Variants in TNRC6C observed in about 807,000 individuals in gnomAD.
TNRC6C encodes the protein trinucleotide repeat containing adaptor 6C.
In TNRC6C, 20 loss-of-function variants were observed where a neutral mutation model predicts 153.7. The ratio of observed to expected loss-of-function variants is 0.13; its 90% CI spans 0.09 to 0.19. The LOEUF (loss-of-function observed/expected upper bound fraction) is 0.19, where lower values mean the gene tolerates loss of function less well. Ranked by LOEUF, TNRC6C falls within the 10% of genes least tolerant of loss-of-function variation. The pLI is 1.00. For missense variants in TNRC6C, 1,987 were observed against 2,172.0 expected (o/e 0.91, Z 1.69); for synonymous variants, 811 against 841.4 (o/e 0.96, Z 0.63).
chr17:78,017,088 G>A (rs1339266308), intron 1 of TNRC6C, among the ~76,000 whole-genome samples: 1 of 152,198 alleles, frequency 6.6e-6, no homozygotes, highest in African/African-American at 2.4e-5. Flanking sequence ...GCTGGGGGAA[G>A]GTGGAGTATA....
chr17:77,958,944 TGCCACC>T (rs1185179243), upstream of TNRC6C, among the ~76,000 whole-genome samples: 14 of 143,790 alleles, frequency 9.7e-5, no homozygotes, highest in South Asian at 1.1e-3. Flanking sequence ...CGTCCGCAGC[TGCCACC>T]GCCGCCGCCG....
intron 16 of TNRC6C, 129 bp from the exon 20 acceptor site, chr17:78,098,214 C>G (rs2073523390): frequency 1.1e-6 from 1 of 946,360 alleles, no homozygotes; most frequent in East Asian, 2.7e-5. Flanking sequence ...AGGGGCTTGA[C>G]TTGGTGTTTC....
chr17:77,969,858 A>ACT (rs1435149594), intron 1 of TNRC6C, among the ~76,000 whole-genome samples: 12 of 152,024 alleles, frequency 7.9e-5, no homozygotes, highest in Admixed American at 7.9e-4. Context: ...ACTTAAAGGG[A>ACT]CTCTAGTTTT....
At position 78,104,876 on chromosome 17, in the gene TNRC6C, A is replaced by C; in HGVS notation, c.*31A>C. ...GCCATCATCAGCACCAGGAGAGCCG[A>C]CCCCTCCCGGGACCCCTCCCGGCTG... On this transcript the variant is annotated 3_prime_UTR_variant, in exon 20 of 20. Coordinates refer to ENST00000301624, the Ensembl canonical transcript of TNRC6C. The surrounding 1 kb of genome is among the most constrained non-coding windows in gnomAD (Gnocchi z 6.2). 6.6e-6 allele frequency: 9 copies of C among 1,367,960 alleles called. No individual in the cohort carries two copies. The highest frequency in any genetic ancestry group is 8.5e-6 in the Non-Finnish European group (9 of 1,062,806). The allele number at this position is 1,367,960 out of a possible 1,614,324, so 84.7% of individuals were successfully genotyped here. A position where few individuals can be genotyped will look rare whatever the true frequency, so the allele number is the denominator to read the frequency against.
chr17:77,972,772 A>T (rs1462599897), intron 1 of TNRC6C, among the ~76,000 whole-genome samples: 1 of 152,240 alleles, frequency 6.6e-6, no homozygotes, highest in Non-Finnish European at 1.5e-5. Flanking sequence ...AATTCTGTCA[A>T]ACACATAGAA....
intron 15 of TNRC6C, 97 bp downstream of exon 17, chr17:78,093,221 T>A: frequency 7.6e-7 from 1 of 1,321,274 alleles, no homozygotes. Flanking sequence ...GAATCTGAGC[T>A]AAGGATCTGG....
intron 3 of TNRC6C, among the ~76,000 whole-genome samples, chr17:78,056,893 A>G (rs1326454734): frequency 3.5e-5 from 5 of 142,954 alleles, no homozygotes; most frequent in African/African-American, 5.1e-5. Context: ...AGATTTTTTT[A>G]AACAAATTGC....
chr17:78,051,685 A>G (rs538958030), intron 3 of TNRC6C, among the ~76,000 whole-genome samples: 1 of 152,326 alleles, frequency 6.6e-6, no homozygotes, highest in East Asian at 1.9e-4. Flanking sequence ...TCAGTAGAAC[A>G]TCAAGCGAAT....
upstream of TNRC6C, among the ~76,000 whole-genome samples, chr17:77,958,184 T>C (rs2070824519): frequency 6.6e-6 from 1 of 151,376 alleles, no homozygotes; most frequent in African/African-American, 2.4e-5. Context: ...CCGGGCGCAA[T>C]TACAGCATAA....
exon 20 of TNRC6C, chr17:78,105,255 C>T (rs571993480): frequency 1.2e-3 from 188 of 160,680 alleles, no homozygotes; most frequent in Non-Finnish European, 1.9e-3. Context: ...GAGCCTGTGA[C>T]GATTATGCAC....
intron 2 of TNRC6C, among the ~76,000 whole-genome samples, chr17:78,047,842 TG>T (rs969308064): frequency 2.6e-5 from 4 of 152,220 alleles, no homozygotes; most frequent in African/African-American, 9.6e-5. Context: ...GATACATACT[TG>T]GAATAAAGTC....
exon 2 of TNRC6C, chr17:78,031,544 C>G: frequency 1.6e-6 from 2 of 1,232,236 alleles, no homozygotes; most frequent in Non-Finnish European, 2.0e-6. Context: ...CCTGTTCAAG[C>G]CAGCCCCAAC....
intron 7 of TNRC6C, among the ~76,000 whole-genome samples, chr17:78,073,588 C>T (rs778088586): frequency 1.3e-5 from 2 of 152,230 alleles, no homozygotes; most frequent in East Asian, 3.9e-4. Flanking sequence ...TAAATATAGT[C>T]GATTCTTATT....
chr17:78,009,335 T>G (rs2071580261), intron 1 of TNRC6C, among the ~76,000 whole-genome samples: 1 of 152,150 alleles, frequency 6.6e-6, no homozygotes, highest in Non-Finnish European at 1.5e-5. Flanking sequence ...TTTTCAGTAT[T>G]GTTTTCTGGG....
chr17:78,086,983 G>A (rs2073305705), exon 13 of TNRC6C: 5 of 1,613,742 alleles, frequency 3.1e-6, no homozygotes, highest in Non-Finnish European at 4.2e-6. Context: ...CCCTCTGCAG[G>A]CAAATCGGCC....
chr17:78,095,501 T>C (rs1225303804), intron 16 of TNRC6C, among the ~76,000 whole-genome samples: 1 of 152,210 alleles, frequency 6.6e-6, no homozygotes, highest in African/African-American at 2.4e-5. Flanking sequence ...TGAACATCGT[T>C]TGACTTCCCG....
intron 1 of TNRC6C, among the ~76,000 whole-genome samples, chr17:78,030,659 A>G (rs2072053017): frequency 1.3e-5 from 2 of 152,242 alleles, no homozygotes; most frequent in African/African-American, 4.8e-5. Context: ...TGTTTTATAC[A>G]TTATCATCAG....
chr17:77,986,719 G>A (rs781201335), intron 1 of TNRC6C, among the ~76,000 whole-genome samples: 2 of 152,128 alleles, frequency 1.3e-5, no homozygotes, highest in Non-Finnish European at 2.9e-5. Flanking sequence ...GCAGAAGCGT[G>A]CAGTTATTAA....
intron 1 of TNRC6C, among the ~76,000 whole-genome samples, chr17:77,987,518 A>AT (rs2071186369): frequency 6.6e-6 from 1 of 152,250 alleles, no homozygotes; most frequent in Admixed American, 6.5e-5. Flanking sequence ...AACTGGAATA[A>AT]TCACCAATAC....
Sources: allele counts gnomAD v4.1 joint callset (sites outside exome capture counted in the v4.1 genomes callset), GRCh38; gene constraint gnomAD v4.1.1; non-coding constraint Gnocchi (gnomAD v3.1); transcripts MANE v1.5; gene names NCBI Gene and HGNC (gene_info 2026-07-23, HGNC 2026-07-21).